PIK3C2G: variants seen among roughly 807,000 people sequenced by gnomAD.
The protein encoded by PIK3C2G is phosphatidylinositol-4-phosphate 3-kinase catalytic subunit type 2 gamma.
PIK3C2G carries 168 observed loss-of-function variants against 181.1 expected under a neutral mutation model. That is an observed-to-expected ratio of 0.93 (90% CI 0.82 to 1.05). PIK3C2G has a LOEUF of 1.05. Among genes scored for constraint, PIK3C2G ranks in the 50% least tolerant of loss-of-function variants. The probability of loss-of-function intolerance (pLI) is 0.00; values close to 1 mark genes in which losing one functional copy is unlikely to be tolerated. For synonymous variants in PIK3C2G, 573 were observed against 592.2 expected, an observed-to-expected ratio of 0.97 and a Z score of 0.47; for missense variants, 1,869 against 1,732.8, an observed-to-expected ratio of 1.08 and a Z score of -1.40.
At chr12:18,555,471 A>T (rs1458066885) in intron 26 of PIK3C2G, among the ~76,000 whole-genome samples, 1 of 152,140 alleles carries the variant, frequency 6.6e-6, no homozygotes, top group Admixed American at 6.5e-5. Flanking sequence ...CCATTCACAC[A>T]CACAGTGCTA....
upstream of PIK3C2G, among the ~76,000 whole-genome samples, chr12:18,245,866 G>T (rs1330451381): frequency 6.6e-6 from 1 of 151,948 alleles, no homozygotes; most frequent in East Asian, 1.9e-4. Flanking sequence ...TCTAGAATTA[G>T]AGCACTTAAA....
intron 10 of PIK3C2G, among the ~76,000 whole-genome samples, chr12:18,345,011 A>C (rs982415322): frequency 6.6e-6 from 1 of 152,210 alleles, no homozygotes; most frequent in Non-Finnish European, 1.5e-5. Flanking sequence ...CAAATGGCTA[A>C]GTTTTCCCCA....
intron 20 of PIK3C2G, among the ~76,000 whole-genome samples, chr12:18,494,266 A>G (rs1003360264): frequency 2.6e-5 from 4 of 152,088 alleles, no homozygotes; most frequent in African/African-American, 9.7e-5. Context: ...GCTTCTGTCT[A>G]TTTGCTAATC....
At chr12:18,489,202 T>C (rs1454715471) in intron 19 of PIK3C2G, among the ~76,000 whole-genome samples, 1 of 152,082 alleles carries the variant, frequency 6.6e-6, no homozygotes, top group Non-Finnish European at 1.5e-5. Flanking sequence ...ACTAGTTCCC[T>C]ATACTGATAT....
intron 26 of PIK3C2G, among the ~76,000 whole-genome samples, chr12:18,555,653 G>A (rs1944969976): frequency 6.6e-6 from 1 of 152,022 alleles, no homozygotes; most frequent in Admixed American, 6.6e-5. Flanking sequence ...TATGTTCCTT[G>A]GCAGCTAGAA....
the PIK3C2G span, chr12:18,693,312 G>A: frequency 6.5e-7 from 1 of 1,536,208 alleles, no homozygotes; most frequent in East Asian, 2.3e-5. Flanking sequence ...GGTGGAAAAG[G>A]CCCCCCAAGA....
At chr12:18,510,988 C>A (rs10770367) in intron 24 of PIK3C2G, among the ~76,000 whole-genome samples, 63,449 of 151,824 alleles carry the variant, frequency 0.42, 13,744 homozygotes, top group East Asian at 0.63. Context: ...GCTCCCATTC[C>A]CCCCAACTCC....
intron 5 of PIK3C2G, among the ~76,000 whole-genome samples, chr12:18,305,047 C>T (rs1950361866): frequency 6.6e-6 from 1 of 152,138 alleles, no homozygotes. Context: ...TCTTGAATGA[C>T]TTTAATTTCT....
At position 18,450,373 on chromosome 12, in the gene PIK3C2G, G is replaced by A. The variant is rs540310074; in HGVS notation, c.2504+26334G>A. Among the ~76,000 whole-genome samples, 533 of 152,252 alleles carry A rather than the reference G, an allele frequency of 3.5e-3. 4 individuals are homozygous for A. The highest frequency in any genetic ancestry group is 4.2e-3 in the Non-Finnish European group (288 of 67,998). Reference sequence around the variant, plus strand: ...ACTCCCAACCTCAGGTGATCCACCCGCCTCAGCCTCCCAAAGGGCTGGGAT... The same window carrying A: ...ACTCCCAACCTCAGGTGATCCACCCACCTCAGCCTCCCAAAGGGCTGGGAT... On this transcript the variant is annotated intron_variant, in intron 18 of 32. Transcript: ENST00000538779.
At chr12:18,411,733 T>G (rs1222485634) in intron 16 of PIK3C2G, among the ~76,000 whole-genome samples, 1 of 152,198 alleles carries the variant, frequency 6.6e-6, no homozygotes, top group East Asian at 1.9e-4. Flanking sequence ...CATGAATTCT[T>G]GCTGTGTATT....
At chr12:18,623,315 G>A (rs1025175241) in intron 31 of PIK3C2G, among the ~76,000 whole-genome samples, 3 of 151,606 alleles carry the variant, frequency 2.0e-5, no homozygotes, top group Admixed American at 6.6e-5. Flanking sequence ...TTTTCTCATC[G>A]TATGTTATTG....
intron 8 of PIK3C2G, among the ~76,000 whole-genome samples, chr12:18,328,911 G>T (rs1279824820): frequency 6.6e-6 from 1 of 151,870 alleles, no homozygotes. Flanking sequence ...CAAAAAAAGT[G>T]TAAGAAAATT....
intron 11 of PIK3C2G, among the ~76,000 whole-genome samples, chr12:18,348,365 C>T (rs1202253804): frequency 6.6e-6 from 1 of 151,688 alleles, no homozygotes; most frequent in African/African-American, 2.4e-5. Context: ...AATGATCTAA[C>T]CAACTCTCCT....
At chr12:18,517,558 C>T (rs1392611234) in intron 24 of PIK3C2G, among the ~76,000 whole-genome samples, 1 of 151,986 alleles carries the variant, frequency 6.6e-6, no homozygotes, top group Non-Finnish European at 1.5e-5. Flanking sequence ...TATAGGAGTG[C>T]CTGTGATTTT....
At chr12:18,605,124 A>G (rs1254697699) in intron 30 of PIK3C2G, among the ~76,000 whole-genome samples, 1 of 152,162 alleles carries the variant, frequency 6.6e-6, no homozygotes, top group African/African-American at 2.4e-5. Flanking sequence ...ATACAAATAA[A>G]ATTGATAGAC....
At chr12:18,496,903 A>C (rs1245645201) in intron 21 of PIK3C2G, among the ~76,000 whole-genome samples, 1 of 152,162 alleles carries the variant, frequency 6.6e-6, no homozygotes, top group Non-Finnish European at 1.5e-5. Context: ...ATGAAGGGGA[A>C]AAAAGAAAAC....
chr12:18,490,518 C>T (rs542369637), intron 19 of PIK3C2G, among the ~76,000 whole-genome samples: 5 of 152,236 alleles, frequency 3.3e-5, no homozygotes, highest in Admixed American at 1.3e-4. Flanking sequence ...CCCCCTGCCC[C>T]CTGCTGCACT....
chr12:18,283,864 G>T (rs865950955), intron 2 of PIK3C2G, among the ~76,000 whole-genome samples: 14 of 152,026 alleles, frequency 9.2e-5, no homozygotes, highest in African/African-American at 3.4e-4. Context: ...TGTTGAATAG[G>T]CAGTATGGAA....
At chr12:18,372,872 A>G (rs1294911865) in intron 13 of PIK3C2G, among the ~76,000 whole-genome samples, 1 of 152,214 alleles carries the variant, frequency 6.6e-6, no homozygotes, top group African/African-American at 2.4e-5. Context: ...GAGTGGTCAC[A>G]GAAGATGAGC....
Sources: gnomAD v4.1 joint callset for allele counts (sites outside exome capture counted in the v4.1 genomes callset) on GRCh38, gnomAD v4.1.1 for gene constraint, MANE v1.5 for transcripts, NCBI Gene and HGNC (gene_info 2026-07-23, HGNC 2026-07-21) for gene names.